Variants in NALF1 observed in about 807,000 individuals in gnomAD.
NALF1 encodes family with sequence similarity 155 member A.
Under a neutral mutation model 48.4 loss-of-function variants are expected in NALF1, and 3 were observed. The observed-to-expected ratio is 0.06, with a 90% CI of 0.03 to 0.16. The LOEUF is 0.16. Among genes scored for constraint, NALF1 ranks in the 10% least tolerant of loss-of-function variants. The pLI is 1.00. For synonymous variants in NALF1, 262 were observed against 245.7 expected (o/e 1.07, Z -0.62); for missense variants, 526 against 571.5 (o/e 0.92, Z 0.81).
intron 1 of NALF1, among the ~76,000 whole-genome samples, chr13:107,737,906 G>C (rs117067418): frequency 6.6e-6 from 1 of 151,942 alleles, no homozygotes; most frequent in Non-Finnish European, 1.5e-5. Flanking sequence ...CGTACAATTC[G>C]GGCAGAAGGG....
intron 1 of NALF1, among the ~76,000 whole-genome samples, chr13:107,851,854 G>A (rs1291226939): frequency 1.5e-5 from 2 of 132,954 alleles, no homozygotes; most frequent in Non-Finnish European, 3.1e-5. Context: ...TGTCATGCAG[G>A]CTTGAGTGCA....
At chr13:107,281,599 A>G (rs1881389011) in intron 1 of NALF1, among the ~76,000 whole-genome samples, 1 of 152,196 alleles carries the variant, frequency 6.6e-6, no homozygotes, top group Non-Finnish European at 1.5e-5. Context: ...TCCAGGCCTA[A>G]GTATATGAAG....
chr13:107,529,724 C>CT (rs949262883), intron 1 of NALF1, among the ~76,000 whole-genome samples: 2 of 152,024 alleles, frequency 1.3e-5, no homozygotes, highest in African/African-American at 4.8e-5. Context: ...CATCTTTTTC[C>CT]TTTTTTTAGA....
At chr13:107,722,049 T>C (rs1277384806) in intron 1 of NALF1, among the ~76,000 whole-genome samples, 1 of 152,060 alleles carries the variant, frequency 6.6e-6, no homozygotes, top group Non-Finnish European at 1.5e-5. Context: ...AGTTAGGAAA[T>C]AGAGATATCC....
At position 107,734,281 on chromosome 13, in the gene NALF1, C is replaced by T. The variant is rs1019889899; in HGVS notation, c.915+131401G>A. 6.6e-5 allele frequency among the ~76,000 whole-genome samples: 10 copies of T among 151,984 alleles called. 1 individual carries two copies. Among genetic ancestry groups the T allele is most frequent in the Admixed American group, 4.6e-4 (7 of 15,248 alleles). On this transcript the variant is annotated intron_variant, in intron 1 of 2. Coordinates refer to ENST00000375915, the MANE Select transcript of NALF1 (RefSeq NM_001080396.3). ...ACATCACTTAATTATGCACCTCATG[C>T]GGTGGTATCAGCCGGTATTAGCCAA... is the stretch of plus-strand genomic sequence containing the variant.
At chr13:107,838,032 G>A (rs552386061) in intron 1 of NALF1, among the ~76,000 whole-genome samples, 13 of 152,226 alleles carry the variant, frequency 8.5e-5, no homozygotes, top group African/African-American at 2.6e-4. Flanking sequence ...AAGCGACTAC[G>A]ACTTCTGTTC....
Position 107,261,401 on chromosome 13 carries a change from G to A in NALF1, c.916-50646C>T, listed in dbSNP as rs573089706. 7.4e-4 allele frequency among the ~76,000 whole-genome samples: 113 copies of A among 152,218 alleles called. 1 individual carries two copies. Among genetic ancestry groups the A allele is most frequent in the Middle Eastern group, 3.4e-3 (1 of 294 alleles). ...TCCCTCGATGAATGCTGTTGGCTGCGTGGCCATTCTTCTCCTCCCCTATCC... is the reference window on the plus strand; with the variant it reads ...TCCCTCGATGAATGCTGTTGGCTGCATGGCCATTCTTCTCCTCCCCTATCC... On this transcript the variant is annotated intron_variant, in intron 1 of 2. Transcript: ENST00000375915.
At chr13:107,421,567 A>T (rs1884187700) in intron 1 of NALF1, among the ~76,000 whole-genome samples, 2 of 152,208 alleles carry the variant, frequency 1.3e-5, no homozygotes, top group African/African-American at 4.8e-5. Context: ...TGTTTTTTAT[A>T]ATGATGCCTC....
chr13:107,366,476 G>A (rs1883153413), intron 1 of NALF1, among the ~76,000 whole-genome samples: 2 of 152,176 alleles, frequency 1.3e-5, no homozygotes, highest in Admixed American at 1.3e-4. Context: ...GTAAGTTCAT[G>A]ATGCATTTAC....
chr13:107,664,201 C>T (rs768853225), intron 1 of NALF1, among the ~76,000 whole-genome samples: 11 of 152,124 alleles, frequency 7.2e-5, no homozygotes, highest in Non-Finnish European at 1.5e-4. Flanking sequence ...GCAGGACAAA[C>T]CTAATGAATA....
intron 1 of NALF1, among the ~76,000 whole-genome samples, chr13:107,694,315 T>A (rs1423486455): frequency 8.9e-5 from 2 of 22,516 alleles, no homozygotes; most frequent in Non-Finnish European, 2.6e-4. Flanking sequence ...GCTTTATACA[T>A]TTTTTTTTGC....
intron 1 of NALF1, among the ~76,000 whole-genome samples, chr13:107,437,390 AT>A (rs1275313378): frequency 3.3e-5 from 5 of 152,202 alleles, no homozygotes; most frequent in Non-Finnish European, 5.9e-5. Context: ...ATACTTAAGT[AT>A]TTCCTTTAAA....
chr13:107,312,762 A>G (rs1054205367), intron 1 of NALF1, among the ~76,000 whole-genome samples: 10 of 152,212 alleles, frequency 6.6e-5, no homozygotes, highest in Non-Finnish European at 1.3e-4. Context: ...GACCTAGCAG[A>G]GTAAGAAAGC....
intron 1 of NALF1, among the ~76,000 whole-genome samples, chr13:107,552,682 C>T (rs940593438): frequency 1.3e-5 from 2 of 152,042 alleles, no homozygotes; most frequent in African/African-American, 4.8e-5. Context: ...CACTATAACA[C>T]ATATATTCAT....
At chr13:107,438,218 T>C (rs769528123) in intron 1 of NALF1, among the ~76,000 whole-genome samples, 1 of 152,116 alleles carries the variant, frequency 6.6e-6, no homozygotes, top group Non-Finnish European at 1.5e-5. Context: ...AGAAAGAAAA[T>C]TCATCTTTGA....
intron 1 of NALF1, among the ~76,000 whole-genome samples, chr13:107,802,250 T>C (rs1414735312): frequency 6.6e-6 from 1 of 152,220 alleles, no homozygotes; most frequent in African/African-American, 2.4e-5. Flanking sequence ...CACATTACTA[T>C]AAGTTAGTTT....
At chr13:107,567,520 T>G (rs947091635) in intron 1 of NALF1, among the ~76,000 whole-genome samples, 10 of 152,222 alleles carry the variant, frequency 6.6e-5, no homozygotes, top group African/African-American at 2.4e-4. Context: ...AGGTTACAGA[T>G]GACTACTCAG....
chr13:107,434,925 C>T (rs567804877), intron 1 of NALF1, among the ~76,000 whole-genome samples: 1 of 152,258 alleles, frequency 6.6e-6, no homozygotes, highest in African/African-American at 2.4e-5. Context: ...CATCCCCTGG[C>T]TATATTCTTT....
chr13:107,362,417 G>A lies in NALF1; in HGVS notation c.916-151662C>T, dbSNP rs1214771144. On this transcript the variant is annotated intron_variant, in intron 1 of 2. Coordinates refer to ENST00000375915, the MANE Select transcript of NALF1 (RefSeq NM_001080396.3). The surrounding 1 kb of genome is among the most constrained non-coding windows in gnomAD (Gnocchi z 4.6). Reference sequence around the variant, plus strand: ...CTGAAACCTGTAGAGTAGCATCTTCGCTTGCCTCCTCCTGACTTTGGAGGT... The same window carrying A: ...CTGAAACCTGTAGAGTAGCATCTTCACTTGCCTCCTCCTGACTTTGGAGGT... Among the ~76,000 whole-genome samples, 1 of 152,058 alleles carries A rather than the reference G, an allele frequency of 6.6e-6. No individual in the cohort carries two copies. Among genetic ancestry groups the A allele is most frequent in the Non-Finnish European group, 1.5e-5 (1 of 68,020 alleles).
Sources: allele counts gnomAD v4.1 joint callset (sites outside exome capture counted in the v4.1 genomes callset), GRCh38; gene constraint gnomAD v4.1.1; non-coding constraint Gnocchi (gnomAD v3.1); transcripts MANE v1.5; gene names NCBI Gene and HGNC (gene_info 2026-07-23, HGNC 2026-07-21).